EPHA4: variants seen among roughly 807,000 people sequenced by gnomAD.
EPHA4 encodes the protein ephrin type-A receptor 4.
A neutral mutation model predicts 108.3 loss-of-function variants in EPHA4; 19 were observed. That is an observed-to-expected ratio of 0.18 (90% confidence interval 0.12 to 0.26). EPHA4 has a LOEUF of 0.26. EPHA4 is among the 10% of genes least tolerant of loss of function. The pLI, the probability that EPHA4 is intolerant of heterozygous loss-of-function variation, is 1.00. For synonymous variants in EPHA4, 449 were observed against 455.5 expected (o/e 0.99, Z 0.18); for missense variants, 917 against 1,254.0 (o/e 0.73, Z 4.06).
chr2:221,513,983 C>A (rs1364762562), intron 3 of EPHA4, among the ~76,000 whole-genome samples: 2 of 152,088 alleles, frequency 1.3e-5, no homozygotes, highest in East Asian at 3.9e-4. Context: ...AAGATGAGAG[C>A]CCCAAAAGCT....
At chr2:221,450,614 A>G (rs1226887770) in intron 8 of EPHA4, among the ~76,000 whole-genome samples, 1 of 152,086 alleles carries the variant, frequency 6.6e-6, no homozygotes. Context: ...ACCTTCGTTT[A>G]TTTGTTTAAT....
intron 3 of EPHA4, among the ~76,000 whole-genome samples, chr2:221,541,879 A>G (rs1383460384): frequency 6.6e-6 from 1 of 152,230 alleles, no homozygotes; most frequent in East Asian, 1.9e-4. Flanking sequence ...TTTACTTTGC[A>G]TGCAGCAGCA....
intron 5 of EPHA4, among the ~76,000 whole-genome samples, chr2:221,478,067 C>T (rs1430402038): frequency 6.6e-6 from 1 of 151,958 alleles, no homozygotes; most frequent in Admixed American, 6.6e-5. Context: ...GGAGGGAACA[C>T]CATTCATGGG....
At chr2:221,503,986 T>C (rs1692554970) in intron 3 of EPHA4, among the ~76,000 whole-genome samples, 1 of 152,254 alleles carries the variant, frequency 6.6e-6, no homozygotes, top group Non-Finnish European at 1.5e-5. Flanking sequence ...ATTTATTCAC[T>C]ACTTACTAGC....
intron 8 of EPHA4, among the ~76,000 whole-genome samples, chr2:221,454,889 C>T (rs1272113852): frequency 6.6e-6 from 1 of 152,122 alleles, no homozygotes; most frequent in Admixed American, 6.5e-5. Context: ...CAAGACAATG[C>T]CATGCCCGAG....
intron 5 of EPHA4, among the ~76,000 whole-genome samples, chr2:221,478,568 C>T (rs1015909740): frequency 2.0e-5 from 3 of 152,144 alleles, no homozygotes; most frequent in Admixed American, 6.5e-5. Flanking sequence ...TTACTGGGTA[C>T]GACTTCAGCT....
chr2:221,536,973 T>C (rs949654255), intron 3 of EPHA4, among the ~76,000 whole-genome samples: 3 of 152,224 alleles, frequency 2.0e-5, no homozygotes, highest in Non-Finnish European at 4.4e-5. Flanking sequence ...GGTAAATACA[T>C]AGCGACCTTA....
At chr2:221,532,780 TG>T (rs1481715978) in intron 3 of EPHA4, 1 of 152,380 alleles carries the variant, frequency 6.6e-6, no homozygotes, top group East Asian at 1.9e-4. Flanking sequence ...GGATGCCTAC[TG>T]GAAGGAGCTG....
At chr2:221,497,693 A>G (rs1292835223) in intron 4 of EPHA4, among the ~76,000 whole-genome samples, 1 of 151,990 alleles carries the variant, frequency 6.6e-6, no homozygotes, top group Non-Finnish European at 1.5e-5. Flanking sequence ...CCGAGATCAC[A>G]CCACTGCACT....
At chr2:221,570,819 G>C (rs1241085718) in intron 1 of EPHA4, among the ~76,000 whole-genome samples, 2 of 152,062 alleles carry the variant, frequency 1.3e-5, no homozygotes, top group Non-Finnish European at 2.9e-5. Context: ...TGGACGGACG[G>C]ACGGACAGAT....
intron 5 of EPHA4, among the ~76,000 whole-genome samples, chr2:221,460,243 G>T (rs74770595): frequency 6.6e-5 from 10 of 152,286 alleles, no homozygotes; most frequent in South Asian, 2.1e-4. Context: ...CATAAAAATG[G>T]AGAATAAGGA....
intron 4 of EPHA4, among the ~76,000 whole-genome samples, chr2:221,486,571 T>C: frequency 6.6e-6 from 1 of 151,436 alleles, no homozygotes. Flanking sequence ...CTACTAAAAA[T>C]ACATAAAAAA....
rs569400142 is a variant in EPHA4, at chr2:221,426,531, G to A, written c.2779C>T (p.Arg927Trp). The change falls in exon 16 of 18, where the codon CGG becomes TGG. Residue 927 changes from arginine (R) to tryptophan (W), a missense_variant. Arg to Trp is a moderately radical substitution (Grantham distance 101). This residue lies in a region of EPHA4 where 133 missense variants were observed against 132.8 expected (regional missense o/e 1.00). Transcript: ENST00000281821. ...GCAGCTGTGAAGTTATCCTTATACC[G>A]GTCCATTTTAATGGCCTGGAGCCAA... ...GDWLQAIKMD[R>W]YKDNFTAAGY... 1.5e-5 allele frequency: 24 copies of A among 1,613,918 alleles called. No homozygotes were observed. Among genetic ancestry groups the A allele is most frequent in the Non-Finnish European group, 1.8e-5 (21 of 1,179,994 alleles).
At position 221,439,473 on chromosome 2, in the gene EPHA4, G is replaced by A. The variant is rs560213709; in HGVS notation, c.2075-2351C>T. ...ATCGTGCCACTGCACTCAAGCCTGG[G>A]TGAATTTCTTTTCTTTTCTTTTTTT... On this transcript the variant is annotated intron_variant, in intron 11 of 17. Coordinates refer to ENST00000281821, the MANE Select transcript of EPHA4 (RefSeq NM_004438.5). 5.9e-5 allele frequency among the ~76,000 whole-genome samples: 9 copies of A among 151,938 alleles called. No individual in the cohort carries two copies. The South Asian group carries it at 1.9e-3, about 32-fold the overall frequency.
At chr2:221,544,941 A>G (rs1191243318) in intron 3 of EPHA4, among the ~76,000 whole-genome samples, 3 of 152,172 alleles carry the variant, frequency 2.0e-5, no homozygotes, top group Non-Finnish European at 4.4e-5. Flanking sequence ...AGGCCTCACT[A>G]AAAACCAACC....
At position 221,420,354 on chromosome 2, in the gene EPHA4, C is replaced by A. The variant is rs142269568; in HGVS notation, c.*1018G>T. 1 of 152,620 alleles carries A rather than the reference C, an allele frequency of 6.6e-6. No individual in the cohort carries two copies. Among genetic ancestry groups the A allele is most frequent in the African/African-American group, 2.4e-5 (1 of 41,440 alleles). 9.5% of individuals were successfully genotyped at this position (152,620 alleles called of 1,614,324 possible). On this transcript the variant is annotated 3_prime_UTR_variant, in exon 18 of 18. Transcript: ENST00000281821. ...TAAGTGTTTGCTGTTTCTTTCACTG[C>A]GAAAGGGGATTTGAAAGTCACACAT...
rs1690468202 is a variant in EPHA4 at position 221,442,836 on chromosome 2, G to A, written c.2067C>T (p.Val689=). ...AGGGGGTGACCCACGTACATTTAGTGACCACGCCTTCCAAGTGAATGATGT... is the reference window on the plus strand; with the variant it reads ...AGGGGGTGACCCACGTACATTTAGTAACCACGCCTTCCAAGTGAATGATGT... ...HPNIIHLEGV[V]TKCKPVMIIT... The change falls in exon 11 of 18, where the codon GTC becomes GTT. Residue 689 remains valine, a synonymous_variant. Transcript: ENST00000281821. The A allele has an allele frequency of 6.2e-7, 1 of 1,614,008 alleles. No homozygotes were observed. The highest frequency in any genetic ancestry group is 8.5e-7 in the Non-Finnish European group (1 of 1,180,016).
intron 3 of EPHA4, among the ~76,000 whole-genome samples, chr2:221,521,622 G>C (rs1693167833): frequency 6.6e-6 from 1 of 152,092 alleles, no homozygotes; most frequent in African/African-American, 2.4e-5. Context: ...GTTTAAGGAA[G>C]AACCTTGTAA....
chr2:221,421,310 GAA>G (rs1689755826), intron 17 of EPHA4, among the ~76,000 whole-genome samples: 1 of 150,898 alleles, frequency 6.6e-6, no homozygotes, highest in Admixed American at 6.6e-5. Flanking sequence ...AAAAAAAAAA[GAA>G]AAGAAAAAAA....
Sources: allele counts gnomAD v4.1 joint callset (sites outside exome capture counted in the v4.1 genomes callset), GRCh38; gene constraint gnomAD v4.1.1; regional missense constraint gnomAD v4.1.1; transcripts MANE v1.5; gene names NCBI Gene and HGNC (gene_info 2026-07-23, HGNC 2026-07-21).